Variants in ROCK2 observed in about 807,000 individuals in gnomAD.
The protein encoded by ROCK2 is rho-associated protein kinase 2.
In ROCK2, 61 loss-of-function variants were observed where a neutral mutation model predicts 195.1. That is an observed-to-expected ratio of 0.31 (90% confidence interval 0.25 to 0.39). The LOEUF (loss-of-function observed/expected upper bound fraction) is 0.39. Among genes scored for constraint, ROCK2 ranks in the 10% least tolerant of loss-of-function variants. The pLI is 1.00. For missense variants in ROCK2, 1,109 were observed against 1,637.4 expected, an observed-to-expected ratio of 0.68 and a Z score of 5.57; for synonymous variants, 504 against 545.5, an observed-to-expected ratio of 0.92 and a Z score of 1.06.
At chr2:11,213,363 A>T (rs926991745) in intron 17 of ROCK2, among the ~76,000 whole-genome samples, 2 of 152,068 alleles carry the variant, frequency 1.3e-5, no homozygotes, top group African/African-American at 4.8e-5. Flanking sequence ...ATCTTGCATG[A>T]TCTACCTCAT....
intron 4 of ROCK2, among the ~76,000 whole-genome samples, chr2:11,242,236 A>G (rs1665451732): frequency 1.3e-5 from 2 of 152,210 alleles, no homozygotes; most frequent in Admixed American, 1.3e-4. Flanking sequence ...GTAACATAGC[A>G]CAATATCTTC....
intron 1 of ROCK2, among the ~76,000 whole-genome samples, chr2:11,332,314 A>T (rs1202942275): frequency 6.6e-6 from 1 of 152,180 alleles, no homozygotes; most frequent in Non-Finnish European, 1.5e-5. Flanking sequence ...CCACATTCAG[A>T]GGGCACTGAT....
intron 3 of ROCK2, among the ~76,000 whole-genome samples, chr2:11,281,208 T>TAAAAA (rs1173116040): frequency 2.0e-5 from 2 of 100,578 alleles, no homozygotes; most frequent in African/African-American, 7.9e-5. Flanking sequence ...ACTCATTATT[T>TAAAAA]AAAAAAAAAA....
At chr2:11,313,141 A>G (rs1366574118) in intron 1 of ROCK2, among the ~76,000 whole-genome samples, 1 of 152,130 alleles carries the variant, frequency 6.6e-6, no homozygotes, top group African/African-American at 2.4e-5. Context: ...ATAATAATGT[A>G]TCAACATTGG....
At chr2:11,184,587 A>C in intron 32 of ROCK2, 1 of 974,766 alleles carries the variant, frequency 1.0e-6, no homozygotes, top group Non-Finnish European at 1.2e-6. Context: ...AAAAATAAAA[A>C]ATAATGAAAG....
intron 4 of ROCK2, among the ~76,000 whole-genome samples, chr2:11,239,678 C>T (rs558319137): frequency 3.9e-5 from 6 of 152,222 alleles, no homozygotes; most frequent in Admixed American, 3.3e-4. Flanking sequence ...ATCTGTATAC[C>T]GTTTCCACCC....
chr2:11,268,927 CCT>C (rs1219801391), intron 3 of ROCK2, among the ~76,000 whole-genome samples: 3 of 152,130 alleles, frequency 2.0e-5, no homozygotes, highest in African/African-American at 7.2e-5. Context: ...TACTCATACC[CCT>C]TAGACTCTGT....
At chr2:11,296,005 G>GGGGGGAGAGAGAGA (rs766082679) in intron 1 of ROCK2, among the ~76,000 whole-genome samples, 3 of 10,342 alleles carry the variant, frequency 2.9e-4, no homozygotes, top group African/African-American at 4.0e-4. Context: ...GAGAGAGAGA[G>GGGGGGAGAGAGAGA]GAGAGAGAGA....
chr2:11,309,043 C>G, intron 1 of ROCK2: 1 of 1,514,974 alleles, frequency 6.6e-7, no homozygotes, highest in Non-Finnish European at 8.9e-7. Context: ...AGGAAGCAAG[C>G]CGTACCCAGA....
chr2:11,186,349 C>T (rs750301121), intron 32 of ROCK2, among the ~76,000 whole-genome samples: 9 of 152,196 alleles, frequency 5.9e-5, no homozygotes, highest in Non-Finnish European at 1.3e-4. Context: ...AGCTGCATTG[C>T]ATACCCTTTC....
intron 1 of ROCK2, among the ~76,000 whole-genome samples, chr2:11,341,147 C>T (rs1461175756): frequency 6.6e-6 from 1 of 151,836 alleles, no homozygotes; most frequent in Non-Finnish European, 1.5e-5. Context: ...CAATCTGCAA[C>T]CATAAAAGAG....
intron 4 of ROCK2, among the ~76,000 whole-genome samples, chr2:11,241,239 G>A (rs1356345663): frequency 2.0e-5 from 3 of 152,086 alleles, no homozygotes; most frequent in African/African-American, 7.2e-5. Flanking sequence ...AGCAGATACT[G>A]TAGAAGAGAA....
intron 3 of ROCK2, among the ~76,000 whole-genome samples, chr2:11,251,529 A>T (rs111924820): frequency 1.6e-4 from 24 of 152,336 alleles, no homozygotes; most frequent in African/African-American, 5.5e-4. Flanking sequence ...TGGATTAGAG[A>T]CTTAAATGTA....
At chr2:11,305,483 G>A (rs767513197) in intron 1 of ROCK2, among the ~76,000 whole-genome samples, 3 of 141,368 alleles carry the variant, frequency 2.1e-5, no homozygotes, top group Admixed American at 7.1e-5. Context: ...ACACACTTAC[G>A]TGCATGCACA....
At chr2:11,234,127 TA>T (rs1168809971) in intron 5 of ROCK2, 1 of 152,006 alleles carries the variant, frequency 6.6e-6, no homozygotes, top group Non-Finnish European at 1.5e-5. Context: ...TAAAAATAAA[TA>T]AAAGTAAAAA....
Position 11,221,332 on chromosome 2 carries a change from G to A in ROCK2, c.1125C>T (p.Leu375=). The A allele has an allele frequency of 2.5e-6, 4 of 1,578,222 alleles. No individual in the cohort carries two copies. The highest frequency in any genetic ancestry group is 3.4e-6 in the Non-Finnish European group (4 of 1,167,280). Residue 375 remains leucine, a synonymous_variant, in exon 9 of 33, where the codon CTC becomes CTT. Transcript: ENST00000315872. The part of the protein sequence containing the change: ...RETAAPVVPE[L]SSDIDSSNFD... ...AATTGCTGCTGTCTATGTCACTGCT[G>A]AGTTCAGGTACTACAGGAGCTGCCG... is the stretch of plus-strand genomic sequence containing the variant.
At chr2:11,317,258 ATAGAT>A (rs1018924589) in intron 1 of ROCK2, among the ~76,000 whole-genome samples, 1 of 151,956 alleles carries the variant, frequency 6.6e-6, no homozygotes, top group African/African-American at 2.4e-5. Flanking sequence ...CATCTCCTAA[ATAGAT>A]TAATTTACCA....
At position 11,248,708 on chromosome 2, in the gene ROCK2, CAAAAAAAAAAAAAAAA is replaced by C. The variant is rs70953372; in HGVS notation, c.462+937_462+952del. Among the ~76,000 whole-genome samples the C allele has an allele frequency of 2.0e-4, 9 of 45,416 alleles. No individual in the cohort carries two copies. The East Asian group carries it at 4.6e-3, about 23-fold the overall frequency. 29.8% of individuals were successfully genotyped at this position (45,416 alleles called of 152,430 possible). ...TGAGCAACAGAGCAAGACTTCATCT[CAAAAAAAAAAAAAAAA>C]AAAAAAAAAAAAAAGAAAGAATGAA... On this transcript the variant is annotated intron_variant, in intron 4 of 32. Transcript: ENST00000315872.
rs1165821958 is a variant in ROCK2 at position 11,344,549 on chromosome 2, CGCCGGCCCGCT to C, written c.-424_-414del. ...CCCAGGCCTGGGCCACTACGGCCGC[CGCCGGCCCGCT>C]GCCATGGTCGCCGCCGGCCGCCTTG... On this transcript the variant is annotated 5_prime_UTR_variant, in exon 1 of 33. An upstream open reading frame in the 5' UTR loses its in-frame stop. Transcript: ENST00000315872. This position sits in a 1 kb window ranked among gnomAD's most constrained non-coding sequence, Gnocchi z 5.4. 17 of 959,556 alleles carry C rather than the reference CGCCGGCCCGCT, an allele frequency of 1.8e-5. No homozygotes were observed. The highest frequency in any genetic ancestry group is 2.0e-5 in the Non-Finnish European group (16 of 807,874). The allele number at this position is 959,556 out of a possible 1,614,324, so 59.4% of individuals were successfully genotyped here.
Sources: gnomAD v4.1 joint callset for allele counts (sites outside exome capture counted in the v4.1 genomes callset) on GRCh38, gnomAD v4.1.1 for gene constraint, Gnocchi (gnomAD v3.1) non-coding constraint, MANE v1.5 for transcripts, NCBI Gene and HGNC (gene_info 2026-07-23, HGNC 2026-07-21) for gene names.